Variants in PPP3CA observed in about 807,000 individuals in gnomAD.
The protein encoded by PPP3CA is protein phosphatase 3 catalytic subunit alpha.
A neutral mutation model predicts 66.5 loss-of-function variants in PPP3CA; 14 were observed. The ratio of observed to expected loss-of-function variants is 0.21; its 90% confidence interval spans 0.14 to 0.33. The LOEUF is 0.33. Among genes scored for constraint, PPP3CA ranks in the 10% least tolerant of loss-of-function variants. PPP3CA has a pLI of 1.00. For synonymous variants in PPP3CA, 232 were observed against 226.2 expected (o/e 1.03, Z -0.23); for missense variants, 317 against 639.5 (o/e 0.50, Z 5.44).
chr4:101,316,268 T>C (rs1203034122), intron 1 of PPP3CA, among the ~76,000 whole-genome samples: 2 of 151,130 alleles, frequency 1.3e-5, no homozygotes, highest in East Asian at 1.9e-4. Flanking sequence ...AATTTGCATA[T>C]ATTCTCCAAT....
intron 1 of PPP3CA, among the ~76,000 whole-genome samples, chr4:101,243,128 C>A (rs1423411949): frequency 6.6e-6 from 1 of 152,124 alleles, no homozygotes; most frequent in Non-Finnish European, 1.5e-5. Flanking sequence ...TCACCTTTAT[C>A]AACCTACAAA....
intron 2 of PPP3CA, among the ~76,000 whole-genome samples, chr4:101,178,441 T>C (rs1424033206): frequency 6.6e-6 from 1 of 152,142 alleles, no homozygotes; most frequent in Non-Finnish European, 1.5e-5. Context: ...ATCTGAAATT[T>C]TTATTTAAAA....
intron 1 of PPP3CA, among the ~76,000 whole-genome samples, chr4:101,317,268 A>ACACACACACACACACACACT: frequency 6.6e-6 from 1 of 151,706 alleles, no homozygotes; most frequent in Non-Finnish European, 1.5e-5. Flanking sequence ...ACACACACAC[A>ACACACACACACACACACACT]CACACACACA....
chr4:101,081,085 T>G (rs894789615), intron 7 of PPP3CA, among the ~76,000 whole-genome samples: 2 of 152,104 alleles, frequency 1.3e-5, no homozygotes, highest in African/African-American at 4.8e-5. Flanking sequence ...TCCACAATAT[T>G]CTGTAAAGCA....
At chr4:101,235,969 T>C (rs1295811711) in intron 1 of PPP3CA, among the ~76,000 whole-genome samples, 3 of 151,392 alleles carry the variant, frequency 2.0e-5, no homozygotes, top group Non-Finnish European at 4.4e-5. Flanking sequence ...AAATTCACCA[T>C]GGCTGGACTA....
intron 8 of PPP3CA, among the ~76,000 whole-genome samples, chr4:101,066,331 C>T (rs968366385): frequency 3.3e-5 from 5 of 152,094 alleles, no homozygotes; most frequent in African/African-American, 4.8e-5. Context: ...AATTATTCAC[C>T]AGACTAAGGT....
intron 2 of PPP3CA, among the ~76,000 whole-genome samples, chr4:101,140,779 T>G (rs943603609): frequency 6.6e-6 from 1 of 152,218 alleles, no homozygotes; most frequent in African/African-American, 2.4e-5. Context: ...TCCCAATATG[T>G]GTACACAGTA....
chr4:101,331,665 C>T (rs1729391755), intron 1 of PPP3CA, among the ~76,000 whole-genome samples: 1 of 152,148 alleles, frequency 6.6e-6, no homozygotes, highest in Non-Finnish European at 1.5e-5. Context: ...GGAAGGTGTG[C>T]TTCAGGTTTT....
intron 10 of PPP3CA, among the ~76,000 whole-genome samples, chr4:101,040,912 C>T (rs543403196): frequency 6.6e-6 from 1 of 152,240 alleles, no homozygotes; most frequent in South Asian, 2.1e-4. Context: ...ACAGAGACCA[C>T]GCATTGGGAG....
intron 1 of PPP3CA, among the ~76,000 whole-genome samples, chr4:101,340,292 T>C (rs1729772994): frequency 6.6e-6 from 1 of 152,132 alleles, no homozygotes; most frequent in Non-Finnish European, 1.5e-5. Flanking sequence ...GACAAAAGCA[T>C]GGATAAGGAA....
Position 101,106,463 on chromosome 4 carries a change from A to AGAAAGAAAGAAAGAAG in PPP3CA, c.384+2490_384+2491insCTTCTTTCTTTCTTTC, listed in dbSNP as rs1560605247. On this transcript the variant is annotated intron_variant, in intron 3 of 13. Transcript: ENST00000394854. ...AAAGAAAGAAAGAAAGAGAAAAGAA[A>AGAAAGAAAGAAAGAAG]AGAAAAGAAAAGAAAAGAAAAGAAA... 4.9e-3 allele frequency among the ~76,000 whole-genome samples: 166 copies of AGAAAGAAAGAAAGAAG among 33,762 alleles called. 23 individuals carry two copies. Among genetic ancestry groups the AGAAAGAAAGAAAGAAG allele is most frequent in the Middle Eastern group, 0.029 (2 of 70 alleles). 22.1% of individuals were successfully genotyped at this position (33,762 alleles called of 152,430 possible).
At position 101,047,188 on chromosome 4, in the gene PPP3CA, T is replaced by C. The variant is rs189278677; in HGVS notation, c.1157-6622A>G. ...ATCCACCCAGTTTTGCTGTTGGCTA[T>C]GAATTGTGACAAGTGCTTCAGTACA... On this transcript the variant is annotated intron_variant, in intron 10 of 13. Transcript: ENST00000394854. Among the ~76,000 whole-genome samples the C allele has an allele frequency of 3.3e-4, 50 of 152,304 alleles. 1 individual carries two copies. Among genetic ancestry groups the C allele is most frequent in the Middle Eastern group, 6.8e-3 (2 of 294 alleles).
intron 1 of PPP3CA, among the ~76,000 whole-genome samples, chr4:101,199,087 A>G (rs1295384772): frequency 2.6e-5 from 4 of 152,198 alleles, no homozygotes; most frequent in Admixed American, 2.6e-4. Flanking sequence ...GACAAAAAAT[A>G]AGACTGGGCT....
intron 6 of PPP3CA, among the ~76,000 whole-genome samples, chr4:101,090,175 C>A (rs1729849990): frequency 6.6e-6 from 1 of 152,196 alleles, no homozygotes; most frequent in South Asian, 2.1e-4. Context: ...GCACTAAAGA[C>A]AAAAGGACCA....
intron 2 of PPP3CA, among the ~76,000 whole-genome samples, chr4:101,138,416 G>A (rs1378442964): frequency 6.6e-6 from 1 of 152,288 alleles, no homozygotes; most frequent in Non-Finnish European, 1.5e-5. Flanking sequence ...GAGCACATTA[G>A]CTGAAACATA....
chr4:101,292,124 ACACACACG>A (rs1728048500), intron 1 of PPP3CA, among the ~76,000 whole-genome samples: 1 of 128,448 alleles, frequency 7.8e-6, no homozygotes, highest in Admixed American at 7.7e-5. Context: ...ACACACACAC[ACACACACG>A]GCCCCTATAG....
rs1449804617 is a variant in PPP3CA, at chr4:101,347,354, T to TGCC, written c.-559_-558insGGC. 1 of 196,944 alleles carries TGCC rather than the reference T, an allele frequency of 5.1e-6. No homozygotes were observed. Among genetic ancestry groups the TGCC allele is most frequent in the African/African-American group, 2.4e-5 (1 of 41,124 alleles). The allele number at this position is 196,944 out of a possible 1,614,324, so 12.2% of individuals were successfully genotyped here. A position where few individuals can be genotyped will look rare whatever the true frequency, so the allele number is the denominator to read the frequency against. On this transcript the variant is annotated 5_prime_UTR_variant, in exon 1 of 14. Transcript: ENST00000394854. ...CCGCTGCTGCTGCCGCTGCCGCTGTTGCTGCTGCCGCTGCCCCTGCTTCTC... is the reference window on the plus strand; with the variant it reads ...CCGCTGCTGCTGCCGCTGCCGCTGTTGCCGCTGCTGCCGCTGCCCCTGCTTCTC...
intron 1 of PPP3CA, among the ~76,000 whole-genome samples, chr4:101,334,931 C>T (rs889907883): frequency 2.0e-5 from 3 of 151,994 alleles, no homozygotes; most frequent in African/African-American, 7.3e-5. Flanking sequence ...ATGTAATTTC[C>T]ACTGTGATTA....
Position 101,067,696 on chromosome 4 carries a change from A to T in PPP3CA, c.956-4339T>A, listed in dbSNP as rs913067896. 4.6e-4 allele frequency among the ~76,000 whole-genome samples: 70 copies of T among 151,266 alleles called. 1 individual carries two copies. The highest frequency in any genetic ancestry group is 1.5e-5 in the Non-Finnish European group (1 of 67,838). ...TGGGGGGACGGGGAGGGATAGCATT[A>T]GGTGATATACCTAATGCTAAATGAC... On this transcript the variant is annotated intron_variant, in intron 8 of 13. Coordinates refer to ENST00000394854, the MANE Select transcript of PPP3CA (RefSeq NM_000944.5).
Sources: allele counts gnomAD v4.1 joint callset (sites outside exome capture counted in the v4.1 genomes callset), GRCh38; gene constraint gnomAD v4.1.1; transcripts MANE v1.5; gene names NCBI Gene and HGNC (gene_info 2026-07-23, HGNC 2026-07-21).